Variants in KCNMB2 observed in about 807,000 individuals in gnomAD.
KCNMB2 encodes the protein calcium-activated potassium channel subunit beta-2.
In KCNMB2, 9 loss-of-function variants were observed where a neutral mutation model predicts 24.5. The ratio of observed to expected loss-of-function variants is 0.37; its 90% confidence interval spans 0.22 to 0.64. The LOEUF is 0.64. Ranked by LOEUF, KCNMB2 falls within the 30% of genes least tolerant of loss-of-function variation. KCNMB2 has a pLI of 0.63. For synonymous variants in KCNMB2, 109 were observed against 104.4 expected (o/e 1.04, Z -0.27); for missense variants, 226 against 284.3 (o/e 0.79, Z 1.47).
chr3:178,796,535 T>C (rs1318543693), intron 1 of KCNMB2, among the ~76,000 whole-genome samples: 2 of 152,020 alleles, frequency 1.3e-5, no homozygotes, highest in Non-Finnish European at 1.5e-5. Context: ...TTCAAAAAAA[T>C]TGAAATAATA....
At chr3:178,640,295 T>A (rs1425857548) in intron 1 of KCNMB2, among the ~76,000 whole-genome samples, 2 of 152,114 alleles carry the variant, frequency 1.3e-5, no homozygotes, top group Non-Finnish European at 2.9e-5. Context: ...GAAGCATGGC[T>A]GGGAGGCCTC....
chr3:178,672,589 A>G (rs1263953864), intron 1 of KCNMB2, among the ~76,000 whole-genome samples: 1 of 152,224 alleles, frequency 6.6e-6, no homozygotes, highest in African/African-American at 2.4e-5. Context: ...ATGGAAATGC[A>G]GCGGAGAGGC....
intron 1 of KCNMB2, among the ~76,000 whole-genome samples, chr3:178,777,362 A>C (rs562540924): frequency 2.0e-4 from 31 of 152,308 alleles, no homozygotes; most frequent in African/African-American, 7.5e-4. Context: ...TGAACCTGGG[A>C]GGCAGAGGTT....
intron 1 of KCNMB2, among the ~76,000 whole-genome samples, chr3:178,742,161 A>G (rs544025826): frequency 3.6e-4 from 55 of 152,360 alleles, no homozygotes; most frequent in African/African-American, 1.2e-3. Flanking sequence ...TATTTCATGG[A>G]GTAGAGCCAT....
chr3:178,681,557 G>A (rs1370463078), intron 1 of KCNMB2, among the ~76,000 whole-genome samples: 1 of 152,184 alleles, frequency 6.6e-6, no homozygotes, highest in Non-Finnish European at 1.5e-5. Context: ...AACCATGAAA[G>A]GTGGGCAAGA....
At chr3:178,645,706 G>C (rs940115014) in intron 1 of KCNMB2, among the ~76,000 whole-genome samples, 1 of 152,090 alleles carries the variant, frequency 6.6e-6, no homozygotes, top group African/African-American at 2.4e-5. Context: ...AGCCGGTTCT[G>C]GGGGCCTGAG....
At chr3:178,726,757 T>C (rs1465096791) in intron 1 of KCNMB2, among the ~76,000 whole-genome samples, 1 of 152,114 alleles carries the variant, frequency 6.6e-6, no homozygotes, top group Non-Finnish European at 1.5e-5. Context: ...GATTTCAAAG[T>C]AGAAAAGTTT....
chr3:178,826,820 GCT>G (rs1308095555), intron 3 of KCNMB2, among the ~76,000 whole-genome samples: 3 of 152,154 alleles, frequency 2.0e-5, no homozygotes, highest in Non-Finnish European at 4.4e-5. Context: ...TGGCTGCTCT[GCT>G]CTGTTTCTCT....
chr3:178,767,751 T>C (rs1712181145), intron 1 of KCNMB2, among the ~76,000 whole-genome samples: 1 of 152,220 alleles, frequency 6.6e-6, no homozygotes, highest in African/African-American at 2.4e-5. Flanking sequence ...CTGTGACCAC[T>C]GGTTCCTTTC....
At chr3:178,667,505 C>T (rs151179345) in intron 1 of KCNMB2, among the ~76,000 whole-genome samples, 2 of 152,218 alleles carry the variant, frequency 1.3e-5, no homozygotes, top group East Asian at 3.9e-4. Context: ...CTTAGACTTC[C>T]CAGCCTCTAC....
In KCNMB2 at chr3:178,616,406, T is replaced by C. The variant is rs552041419; in HGVS notation, c.-68+79695T>C. Among the ~76,000 whole-genome samples, 3 of 152,168 alleles carry C rather than the reference T, an allele frequency of 2.0e-5. No individual in the cohort carries two copies. In the South Asian group the frequency reaches 6.2e-4, roughly 32 times the overall value. On this transcript the variant is annotated intron_variant, in intron 1 of 4. Coordinates refer to ENST00000452583, the MANE Select transcript of KCNMB2 (RefSeq NM_181361.3). Reference sequence around the variant, plus strand: ...CTGGTTTAAACACTCCCTCCTTGGGTGGGTGTTGGAAGAGTTTTGTCTGGT... The same window carrying C: ...CTGGTTTAAACACTCCCTCCTTGGGCGGGTGTTGGAAGAGTTTTGTCTGGT...
chr3:178,620,652 A>C (rs1265789249), intron 1 of KCNMB2, among the ~76,000 whole-genome samples: 1 of 152,230 alleles, frequency 6.6e-6, no homozygotes, highest in Non-Finnish European at 1.5e-5. Flanking sequence ...CCACCTCTTC[A>C]TACCATCATT....
chr3:178,651,442 A>G (rs184020448), intron 1 of KCNMB2, among the ~76,000 whole-genome samples: 1,576 of 152,374 alleles, frequency 0.01, 8 homozygotes, highest in Non-Finnish European at 0.018. Context: ...ATGGAAAAAC[A>G]TTCCATGTTC....
intron 1 of KCNMB2, among the ~76,000 whole-genome samples, chr3:178,791,077 C>T (rs1310854726): frequency 6.6e-6 from 1 of 152,186 alleles, no homozygotes; most frequent in African/African-American, 2.4e-5. Context: ...TGCTGAACAT[C>T]CACAAGCACC....
At chr3:178,698,178 T>C (rs1236384385) in intron 1 of KCNMB2, among the ~76,000 whole-genome samples, 1 of 152,222 alleles carries the variant, frequency 6.6e-6, no homozygotes, top group East Asian at 1.9e-4. Flanking sequence ...ATGGAAAACA[T>C]CCTGAAATAA....
chr3:178,758,056 ATAT>A (rs1724235330), intron 1 of KCNMB2, among the ~76,000 whole-genome samples: 1 of 48,118 alleles, frequency 2.1e-5, no homozygotes, highest in Non-Finnish European at 3.8e-5. Context: ...ATATATATAT[ATAT>A]CTCCAAGAGG....
intron 1 of KCNMB2, among the ~76,000 whole-genome samples, chr3:178,697,695 G>A (rs926836500): frequency 7.9e-5 from 12 of 152,162 alleles, no homozygotes; most frequent in Non-Finnish European, 1.6e-4. Flanking sequence ...GCTTTACAGT[G>A]TCACTGGTAT....
intron 1 of KCNMB2, among the ~76,000 whole-genome samples, chr3:178,735,033 A>G (rs1241821297): frequency 6.6e-6 from 1 of 152,252 alleles, no homozygotes; most frequent in Non-Finnish European, 1.5e-5. Context: ...CTAGGGAGTC[A>G]GATTTACCTT....
chr3:178,762,088 T>G (rs1402670781), intron 1 of KCNMB2, among the ~76,000 whole-genome samples: 39 of 152,230 alleles, frequency 2.6e-4, no homozygotes, highest in Middle Eastern at 3.4e-3. Flanking sequence ...GGAGAATCAC[T>G]TGAACCCGGG....
Sources: allele counts gnomAD v4.1 joint callset (sites outside exome capture counted in the v4.1 genomes callset), GRCh38; gene constraint gnomAD v4.1.1; transcripts MANE v1.5; gene names NCBI Gene and HGNC (gene_info 2026-07-23, HGNC 2026-07-21).